Variants in ALDH3B1 observed in about 807,000 individuals in gnomAD.
The protein encoded by ALDH3B1 is aldehyde dehydrogenase family 3 member B1.
A neutral mutation model predicts 46.2 loss-of-function variants in ALDH3B1; 37 were observed. The ratio of observed to expected loss-of-function variants is 0.80; its 90% CI spans 0.62 to 1.05. The LOEUF (loss-of-function observed/expected upper bound fraction) is 1.05. Among genes scored for constraint, ALDH3B1 ranks in the 50% least tolerant of loss-of-function variants. The pLI, the probability that ALDH3B1 is intolerant of heterozygous loss-of-function variation, is 0.00. For missense variants in ALDH3B1, 603 were observed against 665.5 expected, an observed-to-expected ratio of 0.91 and a Z score of 1.03; for synonymous variants, 283 against 281.0, an observed-to-expected ratio of 1.01 and a Z score of -0.07.
intron 1 of ALDH3B1, among the ~76,000 whole-genome samples, chr11:68,012,021 C>A (rs940089289): frequency 6.6e-6 from 1 of 152,224 alleles, no homozygotes; most frequent in Non-Finnish European, 1.5e-5. Flanking sequence ...GGTCATTGGG[C>A]CCCCAGACCA....
chr11:68,028,097 C>T lies in ALDH3B1; in HGVS notation c.*158C>T, dbSNP rs1230182100. ...CTGCCTCCTCCCTCCTGGGTCTTCC[C>T]TCTCCCTGCCTCAGCCTCCTCCCTC... On this transcript the variant is annotated 3_prime_UTR_variant, in exon 10 of 10. Transcript: ENST00000342456. The T allele has an allele frequency of 3.1e-6, 3 of 983,204 alleles. No individual in the cohort carries two copies. Among genetic ancestry groups the T allele is most frequent in the South Asian group, 1.3e-5 (1 of 77,708 alleles). The allele number at this position is 983,204 out of a possible 1,614,324, so 60.9% of individuals were successfully genotyped here.
chr11:68,026,117 CTG>C lies in ALDH3B1; in HGVS notation c.1216+10_1216+11del, dbSNP rs1415999832. ...GCCTTTTGGAGGAGTGGGTAGGTGC[CTG>C]CTACCCTGCCCTTCTGTTACCATTT... On this transcript the variant is annotated intron_variant, in intron 9 of 9. Coordinates refer to ENST00000342456, the MANE Select transcript of ALDH3B1 (RefSeq NM_000694.4). The C allele has an allele frequency of 6.3e-7, 1 of 1,589,244 alleles. No homozygotes were observed. The highest frequency in any genetic ancestry group is 2.3e-5 in the East Asian group (1 of 43,632).
At position 68,015,303 on chromosome 11, in the gene ALDH3B1, C is replaced by A; in HGVS notation, c.6C>A (p.Asp2Glu). 1 of 1,479,820 alleles carries A rather than the reference C, an allele frequency of 6.8e-7. No individual in the cohort carries two copies. The highest frequency in any genetic ancestry group is 1.4e-5 in the African/African-American group (1 of 71,344). 91.7% of individuals were successfully genotyped at this position (1,479,820 alleles called of 1,614,324 possible). Residue 2 changes from aspartate (D) to glutamate (E), a missense_variant, in exon 2 of 10, where the codon GAC becomes GAA. Asp to Glu is a conservative substitution (Grantham distance 45). Transcript: ENST00000342456. M[D>E]PLGDTLRRLR... is the part of the protein sequence containing the mutation. ...ATGCCACCCCATCTGGCAGGATGGA[C>A]CCCCTTGGGGACACGCTGCGGCGAC...
At chr11:68,013,546 T>G (rs1175450503) in intron 1 of ALDH3B1, among the ~76,000 whole-genome samples, 2 of 152,208 alleles carry the variant, frequency 1.3e-5, no homozygotes, top group Non-Finnish European at 2.9e-5. Context: ...GCAGGCTACT[T>G]AGCAAAACAC....
chr11:68,028,196 C>G lies in ALDH3B1; in HGVS notation c.*257C>G. The stretch of plus-strand genomic sequence containing the variant: ...CAGTGACTCACCCCCTGCCCCCGCA[C>G]CAACCACCCATATTCAGGAGAAGAG... On this transcript the variant is annotated 3_prime_UTR_variant, in exon 10 of 10. Coordinates refer to ENST00000342456, the MANE Select transcript of ALDH3B1 (RefSeq NM_000694.4). 1 of 668,086 alleles carries G rather than the reference C, an allele frequency of 1.5e-6. No individual in the cohort carries two copies. The highest frequency in any genetic ancestry group is 2.8e-6 in the Non-Finnish European group (1 of 363,550). 41.4% of individuals were successfully genotyped at this position (668,086 alleles called of 1,614,324 possible). A position where few individuals can be genotyped will look rare whatever the true frequency, so the allele number is the denominator to read the frequency against.
intron 8 of ALDH3B1, chr11:68,024,961 C>T (rs1590782895): frequency 6.6e-6 from 1 of 152,210 alleles, no homozygotes; most frequent in East Asian, 1.9e-4. Flanking sequence ...GTGCTACAAG[C>T]AGCTCCAGGC....
At position 68,018,805 on chromosome 11, in the gene ALDH3B1, G is replaced by A. The variant is rs770948276; in HGVS notation, c.306G>A (p.Lys102=). ...AGCTGGACTCCGCCTTCATCCGGAAGGAGCCCTTTGGCCTGGTCCTCATCA... is the reference window on the plus strand; with the variant it reads ...AGCTGGACTCCGCCTTCATCCGGAAAGAGCCCTTTGGCCTGGTCCTCATCA... The part of the protein sequence containing the change: ...ATQLDSAFIR[K]EPFGLVLIIA... The change falls in exon 4 of 10, where the codon AAG becomes AAA. Residue 102 remains lysine, a synonymous_variant. Transcript: ENST00000342456. 2 of 1,560,544 alleles carry A rather than the reference G, an allele frequency of 1.3e-6. No homozygotes were observed. The highest frequency in any genetic ancestry group is 8.7e-7 in the Non-Finnish European group (1 of 1,152,672).
At position 68,028,016 on chromosome 11, in the gene ALDH3B1, C is replaced by T. The variant is rs1376676466; in HGVS notation, c.*77C>T. 18 of 1,550,546 alleles carry T rather than the reference C, an allele frequency of 1.2e-5. No individual in the cohort carries two copies. Among genetic ancestry groups the T allele is most frequent in the East Asian group, 4.6e-5 (2 of 43,628 alleles). On this transcript the variant is annotated 3_prime_UTR_variant, in exon 10 of 10. Transcript: ENST00000342456. Reference sequence around the variant, plus strand: ...CTGGTGGAGACGGGGCCTGGGCTCCCGGGCCCGAGGAGGAAAAGGATTGCC... The same window carrying T: ...CTGGTGGAGACGGGGCCTGGGCTCCTGGGCCCGAGGAGGAAAAGGATTGCC...
intron 6 of ALDH3B1, among the ~76,000 whole-genome samples, chr11:68,020,973 T>A (rs1043097888): frequency 3.9e-5 from 6 of 152,102 alleles, no homozygotes; most frequent in Non-Finnish European, 8.8e-5. Flanking sequence ...TGGGGACGCC[T>A]GCATCAGCCT....
chr11:68,017,492 G>C (rs915993428), intron 2 of ALDH3B1: 1 of 152,622 alleles, frequency 6.6e-6, no homozygotes, highest in Non-Finnish European at 1.5e-5. Context: ...CATAACCTCA[G>C]GCGCTGCCTC....
intron 2 of ALDH3B1, 139 bp downstream of exon 2, chr11:68,015,598 C>A: frequency 9.3e-7 from 1 of 1,079,456 alleles, no homozygotes; most frequent in Non-Finnish European, 1.4e-6. Flanking sequence ...CCAGAGCCAC[C>A]CTTGCACATT....
chr11:68,022,440 C>T (rs1202949205), intron 7 of ALDH3B1, among the ~76,000 whole-genome samples, 155 bp from the exon 8 acceptor site: 1 of 152,202 alleles, frequency 6.6e-6, no homozygotes, highest in Non-Finnish European at 1.5e-5. Context: ...GGGAGACTTT[C>T]TTCCCTAAAC....
chr11:68,025,607 T>C (rs1857603014), intron 8 of ALDH3B1, among the ~76,000 whole-genome samples: 2 of 152,122 alleles, frequency 1.3e-5, no homozygotes, highest in African/African-American at 4.8e-5. Context: ...CCTGAACAAC[T>C]TCTGTCCCTC....
chr11:68,026,732 C>T (rs1039368829), intron 9 of ALDH3B1, among the ~76,000 whole-genome samples: 6 of 152,298 alleles, frequency 3.9e-5, no homozygotes, highest in South Asian at 4.1e-4. Context: ...CAGTAGGCCC[C>T]GAGCAGGTGA....
upstream of ALDH3B1, among the ~76,000 whole-genome samples, chr11:68,009,549 G>A (rs1275207695): frequency 3.9e-5 from 6 of 152,344 alleles, no homozygotes; most frequent in East Asian, 1.2e-3. Context: ...AACTTTAAGG[G>A]GTCCACGTGA....
chr11:68,027,725 C>T (rs1857662849), intron 9 of ALDH3B1, 24 bp from the exon 10 acceptor site: 1 of 1,551,450 alleles, frequency 6.4e-7, no homozygotes, highest in Non-Finnish European at 8.7e-7. Flanking sequence ...CGCCTGACCA[C>T]CTGTGTTCTG....
chr11:68,025,914 A>T (rs1857610607), intron 8 of ALDH3B1, 95 bp from the exon 9 acceptor site: 2 of 868,834 alleles, frequency 2.3e-6, no homozygotes, highest in Non-Finnish European at 3.3e-6. Context: ...CTGAGGCAAG[A>T]TCAGTGTCAC....
At chr11:68,022,896 C>T (rs904426439) in intron 8 of ALDH3B1, 135 bp downstream of exon 8, 18 of 1,330,310 alleles carry the variant, frequency 1.4e-5, no homozygotes, top group African/African-American at 5.8e-5. Context: ...TCTCTGCCCA[C>T]TCTCCTGGAA....
Position 68,017,829 on chromosome 11 carries a change from A to T in ALDH3B1, c.163-698A>T, listed in dbSNP as rs140074015. 8.5e-4 allele frequency: 130 copies of T among 152,340 alleles called. 2 individuals carry two copies. In the East Asian group the frequency reaches 0.013, roughly 15 times the overall value. The allele number at this position is 152,340 out of a possible 1,614,324, so 9.4% of individuals were successfully genotyped here. On this transcript the variant is annotated intron_variant, in intron 2 of 9. Coordinates refer to ENST00000342456, the MANE Select transcript of ALDH3B1 (RefSeq NM_000694.4). ...CCAGGAGTTCAAGACCTACCTAGGC[A>T]ACACAGCAAGGCACTCTGCAAAAAA...
Sources: gnomAD v4.1 joint callset for allele counts (sites outside exome capture counted in the v4.1 genomes callset) on GRCh38, gnomAD v4.1.1 for gene constraint, MANE v1.5 for transcripts, NCBI Gene and HGNC (gene_info 2026-07-23, HGNC 2026-07-21) for gene names.